Variants in RCOR3 observed in about 807,000 individuals in gnomAD.
RCOR3 encodes REST corepressor 3.
Under a neutral mutation model 64.1 loss-of-function variants are expected in RCOR3, and 13 were observed. The ratio of observed to expected loss-of-function variants is 0.20; its 90% confidence interval spans 0.13 to 0.32. The LOEUF (loss-of-function observed/expected upper bound fraction) is 0.32. RCOR3 is among the 10% of genes least tolerant of loss of function. The pLI, the probability that RCOR3 is intolerant of heterozygous loss-of-function variation, is 1.00. For synonymous variants in RCOR3, 215 were observed against 239.0 expected, an observed-to-expected ratio of 0.90 and a Z score of 0.93; for missense variants, 489 against 701.2, an observed-to-expected ratio of 0.70 and a Z score of 3.42.
intron 8 of RCOR3, among the ~76,000 whole-genome samples, chr1:211,294,586 CTTTTTTTTTT>C (rs35962546): frequency 2.3e-5 from 2 of 88,032 alleles, no homozygotes; most frequent in Middle Eastern, 6.9e-3. Flanking sequence ...TTCTTTCTTT[CTTTTTTTTTT>C]TTTTTTTTTT....
At chr1:211,299,869 A>G (rs2102624809) in intron 9 of RCOR3, among the ~76,000 whole-genome samples, 1 of 152,238 alleles carries the variant, frequency 6.6e-6, no homozygotes, top group Admixed American at 6.5e-5. Flanking sequence ...GATATATTCT[A>G]GTTCTTTCTT....
intron 5 of RCOR3, 114 bp from the exon 6 acceptor site, chr1:211,278,003 G>T: frequency 1.1e-6 from 1 of 886,082 alleles, no homozygotes; most frequent in East Asian, 2.8e-5. Context: ...AATTCATAAA[G>T]GTACCCATGA....
intron 3 of RCOR3, among the ~76,000 whole-genome samples, chr1:211,272,610 T>G (rs1696365865): frequency 8.2e-6 from 1 of 121,400 alleles, no homozygotes; most frequent in Admixed American, 9.9e-5. Flanking sequence ...CTGGATGTCT[T>G]ACTTTTTTTT....
chr1:211,288,416 A>C (rs1421333662), intron 7 of RCOR3, among the ~76,000 whole-genome samples: 1 of 147,522 alleles, frequency 6.8e-6, no homozygotes, highest in Non-Finnish European at 1.5e-5. Context: ...TTTATCATAT[A>C]TATTATTTTT....
rs2102688336 is a variant in RCOR3 at position 211,313,958 on chromosome 1, C to T, written c.*190C>T. The T allele has an allele frequency of 1.7e-6, 1 of 600,142 alleles. No homozygotes were observed. The allele number at this position is 600,142 out of a possible 1,614,324, so 37.2% of individuals were successfully genotyped here. ...TTCACTAGACTAAAATGTTTTACAA[C>T]AAAAAGCCTCCAGTTAGCCTCCTTT... is the stretch of plus-strand genomic sequence containing the variant. On this transcript the variant is annotated 3_prime_UTR_variant, in exon 12 of 12. Transcript: ENST00000419091. This position sits in a 1 kb window ranked among gnomAD's most constrained non-coding sequence, Gnocchi z 4.7.
chr1:211,267,375 C>A (rs1232314295), intron 2 of RCOR3, among the ~76,000 whole-genome samples: 1 of 152,166 alleles, frequency 6.6e-6, no homozygotes, highest in Admixed American at 6.5e-5. Flanking sequence ...CTAGTTGACA[C>A]ATATATAATT....
At chr1:211,268,946 C>G (rs1291351608) in intron 2 of RCOR3, among the ~76,000 whole-genome samples, 1 of 151,946 alleles carries the variant, frequency 6.6e-6, no homozygotes. Flanking sequence ...ATATATGATG[C>G]TTCTCTAAAA....
chr1:211,272,638 T>TTTTC (rs1298632683), intron 3 of RCOR3, among the ~76,000 whole-genome samples: 1 of 134,172 alleles, frequency 7.5e-6, no homozygotes, highest in African/African-American at 2.8e-5. Flanking sequence ...TTTTTTTTTT[T>TTTTC]TGAGACGGAG....
chr1:211,269,707 A>C (rs1695822401), intron 2 of RCOR3, among the ~76,000 whole-genome samples: 1 of 152,162 alleles, frequency 6.6e-6, no homozygotes. Flanking sequence ...AAATAATAGA[A>C]TCTACAGGCA....
intron 8 of RCOR3, among the ~76,000 whole-genome samples, chr1:211,294,257 A>G (rs916350622): frequency 2.6e-5 from 4 of 152,204 alleles, no homozygotes; most frequent in African/African-American, 9.6e-5. Flanking sequence ...TGAACCATAC[A>G]TATATGGTGT....
At chr1:211,309,969 GA>G (rs1558114223) in intron 10 of RCOR3, among the ~76,000 whole-genome samples, 1 of 152,138 alleles carries the variant, frequency 6.6e-6, no homozygotes, top group South Asian at 2.1e-4. Flanking sequence ...AAGTGCTCTT[GA>G]GCCATGCTGT....
chr1:211,288,945 T>C (rs1450875205), intron 7 of RCOR3, among the ~76,000 whole-genome samples: 2 of 152,178 alleles, frequency 1.3e-5, no homozygotes, highest in African/African-American at 4.8e-5. Flanking sequence ...GGCCTAAAAA[T>C]CAAACATTTG....
intron 7 of RCOR3, among the ~76,000 whole-genome samples, chr1:211,283,438 C>G (rs1428973551): frequency 6.6e-6 from 1 of 152,168 alleles, no homozygotes; most frequent in African/African-American, 2.4e-5. Context: ...TAATTGTTTT[C>G]TATAGCTGAT....
intron 9 of RCOR3, among the ~76,000 whole-genome samples, chr1:211,297,144 C>T (rs1044295116): frequency 6.6e-6 from 1 of 152,050 alleles, no homozygotes; most frequent in Non-Finnish European, 1.5e-5. Context: ...GACAGTTTTA[C>T]AGAAAACATT....
At chr1:211,291,710 T>C in intron 8 of RCOR3, 2 of 379,220 alleles carry the variant, frequency 5.3e-6, no homozygotes, top group Admixed American at 6.7e-5. Flanking sequence ...TTTCTGGTTC[T>C]CTAACATAGG....
At chr1:211,280,604 C>T (rs1697642697) in intron 7 of RCOR3, among the ~76,000 whole-genome samples, 1 of 152,184 alleles carries the variant, frequency 6.6e-6, no homozygotes, top group South Asian at 2.1e-4. Context: ...TTCGTATCTA[C>T]TCTTTCTCCA....
chr1:211,259,938 C>CCCCCCCCCCAAA, intron 1 of RCOR3, 170 bp from the exon 2 acceptor site: 1 of 1,307,790 alleles, frequency 7.6e-7, no homozygotes, highest in Non-Finnish European at 9.9e-7. Flanking sequence ...CCCCCCGCTC[C>CCCCCCCCCCAAA]CCGCCCCCAA....
At chr1:211,283,681 A>G (rs1698129858) in intron 7 of RCOR3, among the ~76,000 whole-genome samples, 1 of 152,040 alleles carries the variant, frequency 6.6e-6, no homozygotes, top group South Asian at 2.1e-4. Flanking sequence ...AATCTTGCTT[A>G]TTGCCCAAGC....
intron 10 of RCOR3, among the ~76,000 whole-genome samples, chr1:211,304,345 C>T (rs951626218): frequency 7.9e-5 from 12 of 152,070 alleles, no homozygotes; most frequent in African/African-American, 2.9e-4. Flanking sequence ...CTGAACAGCA[C>T]GTAATGCATT....
Sources: allele counts gnomAD v4.1 joint callset (sites outside exome capture counted in the v4.1 genomes callset), GRCh38; gene constraint gnomAD v4.1.1; non-coding constraint Gnocchi (gnomAD v3.1); transcripts MANE v1.5; gene names NCBI Gene and HGNC (gene_info 2026-07-23, HGNC 2026-07-21).